Variants in CTNNA2 observed in about 807,000 individuals in gnomAD.
The protein encoded by CTNNA2 is catenin alpha 2, also known as catenin alpha-2.
Under a neutral mutation model 101.0 loss-of-function variants are expected in CTNNA2, and 42 were observed. The observed-to-expected ratio is 0.42, with a 90% CI of 0.32 to 0.54. The LOEUF is 0.54. CTNNA2 is among the 20% of genes least tolerant of loss of function. CTNNA2 has a pLI of 0.14. For missense variants in CTNNA2, 871 were observed against 1,223.1 expected (o/e 0.71, Z 4.29); for synonymous variants, 450 against 456.4 (o/e 0.99, Z 0.18).
intron 7 of CTNNA2, among the ~76,000 whole-genome samples, chr2:80,193,037 T>A (rs1706617186): frequency 6.6e-6 from 1 of 152,194 alleles, no homozygotes; most frequent in Non-Finnish European, 1.5e-5. Flanking sequence ...ATATTGAAAT[T>A]ACTGTCCCTC....
At chr2:80,223,566 G>A (rs1222133089) in intron 7 of CTNNA2, among the ~76,000 whole-genome samples, 2 of 152,144 alleles carry the variant, frequency 1.3e-5, no homozygotes, top group African/African-American at 2.4e-5. Flanking sequence ...GAGCCACTGC[G>A]CCTGGCCCTA....
intron 7 of CTNNA2, among the ~76,000 whole-genome samples, chr2:79,943,132 G>T (rs750399949): frequency 1.3e-5 from 2 of 152,092 alleles, no homozygotes; most frequent in Admixed American, 6.5e-5. Context: ...CCAGAGAATC[G>T]CTTGAACCTG....
intron 7 of CTNNA2, among the ~76,000 whole-genome samples, chr2:80,159,761 A>G (rs1231021321): frequency 6.6e-6 from 1 of 152,176 alleles, no homozygotes; most frequent in Non-Finnish European, 1.5e-5. Context: ...GGTGTGAGCC[A>G]CTGTGCCTGG....
chr2:79,192,645 A>G (rs1054425859), intron 1 of CTNNA2, among the ~76,000 whole-genome samples: 1 of 152,170 alleles, frequency 6.6e-6, no homozygotes, highest in African/African-American at 2.4e-5. Flanking sequence ...ACATAATCAA[A>G]TGATGGACGA....
intron 4 of CTNNA2, among the ~76,000 whole-genome samples, chr2:79,415,669 T>TCCTTCTTAG (rs1213413760): frequency 6.6e-6 from 1 of 152,062 alleles, no homozygotes; most frequent in Non-Finnish European, 1.5e-5. Flanking sequence ...ATTGAAGAAA[T>TCCTTCTTAG]CCTTCTTAGA....
chr2:79,420,545 T>G (rs1678530399), intron 4 of CTNNA2, among the ~76,000 whole-genome samples: 1 of 152,170 alleles, frequency 6.6e-6, no homozygotes, highest in Admixed American at 6.6e-5. Flanking sequence ...AGGATAGAAG[T>G]TAAAAGTGTA....
intron 3 of CTNNA2, among the ~76,000 whole-genome samples, chr2:79,797,440 C>T (rs1331320095): frequency 2.0e-5 from 3 of 152,028 alleles, no homozygotes; most frequent in African/African-American, 4.8e-5. Context: ...GCGGGTGGAT[C>T]ACAAAGTCAG....
chr2:80,546,056 T>G lies in CTNNA2; in HGVS notation c.1533T>G (p.Ser511=). ...DDITSVDDFL[S]VSENHILEDV... Reference sequence around the variant, plus strand: ...TCACCTCAGTGGATGACTTCCTCTCTGTCTCAGGTAATCATCACAAACAGG... The same window carrying G: ...TCACCTCAGTGGATGACTTCCTCTCGGTCTCAGGTAATCATCACAAACAGG... The change falls in exon 11 of 19, where the codon TCT becomes TCG. Residue 511 remains serine, a synonymous_variant. Transcript: ENST00000402739. The G allele has an allele frequency of 6.2e-7, 1 of 1,613,890 alleles. No individual in the cohort carries two copies. Among genetic ancestry groups the G allele is most frequent in the Non-Finnish European group, 8.5e-7 (1 of 1,179,950 alleles).
chr2:79,209,657 A>C (rs1431709952), intron 2 of CTNNA2, among the ~76,000 whole-genome samples: 9 of 123,896 alleles, frequency 7.3e-5, no homozygotes, highest in Non-Finnish European at 1.5e-4. Context: ...GTTTGTAGTT[A>C]ACCAGACGCA....
intron 7 of CTNNA2, among the ~76,000 whole-genome samples, chr2:80,372,924 G>A (rs1347754175): frequency 2.0e-5 from 3 of 152,194 alleles, no homozygotes; most frequent in Non-Finnish European, 4.4e-5. Context: ...GCAGAGACCA[G>A]GGATGCTGTT....
intron 3 of CTNNA2, among the ~76,000 whole-genome samples, chr2:79,838,982 C>A (rs550430438): frequency 2.0e-5 from 3 of 151,994 alleles, no homozygotes; most frequent in Non-Finnish European, 2.9e-5. Flanking sequence ...TATTACTGGG[C>A]GCTTACTATG....
intron 7 of CTNNA2, among the ~76,000 whole-genome samples, chr2:80,031,535 A>G (rs1695286869): frequency 6.6e-6 from 1 of 152,198 alleles, no homozygotes; most frequent in Non-Finnish European, 1.5e-5. Flanking sequence ...GAACAGCAGG[A>G]AAAATCTGTA....
At chr2:79,520,929 A>G (rs1210767298) in intron 1 of CTNNA2, among the ~76,000 whole-genome samples, 1 of 151,506 alleles carries the variant, frequency 6.6e-6, no homozygotes, top group Non-Finnish European at 1.5e-5. Context: ...TGTTAAAAAT[A>G]CTCTTACCAT....
intron 7 of CTNNA2, among the ~76,000 whole-genome samples, chr2:80,047,574 G>T (rs1026585323): frequency 7.2e-5 from 11 of 152,232 alleles, no homozygotes; most frequent in East Asian, 1.9e-4. Flanking sequence ...TCCAGTGTAT[G>T]CAGGAAGAGA....
At chr2:79,540,178 G>A (rs994709256) in intron 1 of CTNNA2, among the ~76,000 whole-genome samples, 5 of 152,012 alleles carry the variant, frequency 3.3e-5, no homozygotes, top group African/African-American at 9.7e-5. Context: ...GGATCCAAAG[G>A]GGGCAGTTTT....
intron 7 of CTNNA2, among the ~76,000 whole-genome samples, chr2:79,915,306 A>C (rs62141608): frequency 2.0e-5 from 3 of 149,324 alleles, no homozygotes; most frequent in Admixed American, 1.4e-4. Flanking sequence ...CACACACACA[A>C]ACACACACAC....
intron 6 of CTNNA2, among the ~76,000 whole-genome samples, chr2:79,908,124 C>G (rs1685547607): frequency 6.6e-6 from 1 of 152,146 alleles, no homozygotes; most frequent in African/African-American, 2.4e-5. Flanking sequence ...GTATATACTA[C>G]ATCAGCATAA....
intron 7 of CTNNA2, among the ~76,000 whole-genome samples, chr2:79,939,774 T>C (rs944725244): frequency 2.0e-5 from 3 of 152,174 alleles, no homozygotes; most frequent in African/African-American, 7.2e-5. Context: ...ACTCACAGAA[T>C]TGTGAAACCA....
chr2:80,050,787 A>G (rs1215156894), intron 7 of CTNNA2, among the ~76,000 whole-genome samples: 1 of 152,168 alleles, frequency 6.6e-6, no homozygotes, highest in South Asian at 2.1e-4. Context: ...TGCAGCGTCA[A>G]CTTCCAGGGA....
Sources: gnomAD v4.1 joint callset for allele counts (sites outside exome capture counted in the v4.1 genomes callset) on GRCh38, gnomAD v4.1.1 for gene constraint, MANE v1.5 for transcripts, NCBI Gene and HGNC (gene_info 2026-07-23, HGNC 2026-07-21) for gene names.